The following MVB12B variants were observed in gnomAD, a reference collection of about 807,000 sequenced individuals.
MVB12B encodes the protein multivesicular body subunit 12B, also known as ESCRT-I complex subunit MVB12B.
Under a neutral mutation model 41.6 loss-of-function variants are expected in MVB12B, and 16 were observed. The observed-to-expected ratio is 0.38, with a 90% CI of 0.26 to 0.58. MVB12B has a LOEUF of 0.58. MVB12B is among the 20% of genes least tolerant of loss of function. The pLI is 0.62. For synonymous variants in MVB12B, 133 were observed against 139.7 expected (o/e 0.95, Z 0.34); for missense variants, 274 against 380.2 (o/e 0.72, Z 2.32).
rs562453290 is a variant in MVB12B, at chr9:126,503,399, G to A, written c.*136G>A. 50 of 706,830 alleles carry A rather than the reference G, an allele frequency of 7.1e-5. No homozygotes were observed. The East Asian group carries it at 1.3e-3, about 19-fold the overall frequency. The allele number at this position is 706,830 out of a possible 1,614,324, so 43.8% of individuals were successfully genotyped here. A position where few individuals can be genotyped will look rare whatever the true frequency, so the allele number is the denominator to read the frequency against. On this transcript the variant is annotated 3_prime_UTR_variant, in exon 10 of 10. Transcript: ENST00000361171. ...CCCAGCAGGGCTGGCCCGGAGACTG[G>A]GCAGCTAAGTGGGCGCATCCTGTCT...
chr9:126,453,853 C>T (rs1000887902), intron 7 of MVB12B, among the ~76,000 whole-genome samples: 20 of 152,228 alleles, frequency 1.3e-4, no homozygotes, highest in African/African-American at 2.4e-4. Flanking sequence ...GGCCTCCCCT[C>T]CTCTCTGGAT....
In MVB12B at chr9:126,391,025, T is replaced by C. The variant is rs936152044; in HGVS notation, c.410-1041T>C. 6.6e-6 allele frequency among the ~76,000 whole-genome samples: 1 copy of C among 150,490 alleles called. No individual in the cohort carries two copies. Among genetic ancestry groups the C allele is most frequent in the Non-Finnish European group, 1.5e-5 (1 of 67,834 alleles). ...ACCATTGTGAACCTTTAATAAAACATGGATCTTAGCAACAGTCATCAGAGG... is the reference window on the plus strand; with the variant it reads ...ACCATTGTGAACCTTTAATAAAACACGGATCTTAGCAACAGTCATCAGAGG... On this transcript the variant is annotated intron_variant, in intron 4 of 9. Coordinates refer to ENST00000361171, the MANE Select transcript of MVB12B (RefSeq NM_033446.3). The surrounding 1 kb of genome is among the most constrained non-coding windows in gnomAD (Gnocchi z 4.4).
chr9:126,346,786 A>C (rs1451513574), intron 2 of MVB12B, among the ~76,000 whole-genome samples: 2 of 152,244 alleles, frequency 1.3e-5, no homozygotes. Context: ...AAATTAAAGA[A>C]AACTAAGGGG....
At chr9:126,339,233 T>C (rs1480977900) in intron 1 of MVB12B, among the ~76,000 whole-genome samples, 1 of 152,208 alleles carries the variant, frequency 6.6e-6, no homozygotes, top group Non-Finnish European at 1.5e-5. Context: ...GCAGTCATTT[T>C]TAATGGCCTC....
intron 2 of MVB12B, among the ~76,000 whole-genome samples, chr9:126,353,045 G>A (rs1167505487): frequency 6.6e-6 from 1 of 152,204 alleles, no homozygotes; most frequent in Non-Finnish European, 1.5e-5. Flanking sequence ...ATCAGGAAGA[G>A]GAGATGTGGC....
chr9:126,487,056 G>C (rs760576254), intron 9 of MVB12B, among the ~76,000 whole-genome samples: 1 of 152,216 alleles, frequency 6.6e-6, no homozygotes, highest in Non-Finnish European at 1.5e-5. Context: ...GGCGCTCCGA[G>C]TCACAGTGTG....
chr9:126,449,180 G>T (rs1357444757), intron 7 of MVB12B, among the ~76,000 whole-genome samples: 1 of 152,352 alleles, frequency 6.6e-6, no homozygotes, highest in East Asian at 1.9e-4. Context: ...GCCTGGACTG[G>T]CAGAGAGCCC....
chr9:126,448,973 G>A (rs374928906), intron 7 of MVB12B, among the ~76,000 whole-genome samples: 4 of 152,320 alleles, frequency 2.6e-5, no homozygotes, highest in African/African-American at 9.6e-5. Flanking sequence ...ATACTCCAGG[G>A]GCCCACACCA....
At chr9:126,440,138 G>A (rs1832593514) in intron 7 of MVB12B, among the ~76,000 whole-genome samples, 1 of 152,192 alleles carries the variant, frequency 6.6e-6, no homozygotes, top group South Asian at 2.1e-4. Flanking sequence ...GTCAGCGCGA[G>A]CCCCTTGCTG....
rs917362745 is a variant in MVB12B, at chr9:126,391,112, C to G, written c.410-954C>G. The stretch of plus-strand genomic sequence containing the variant: ...GTGTGACCGAGGTCCTGGGCCGACG[C>G]CAGCAGAGCTCAGCAAGAATGGCCC... On this transcript the variant is annotated intron_variant, in intron 4 of 9. Transcript: ENST00000361171. The surrounding 1 kb of genome is among the most constrained non-coding windows in gnomAD (Gnocchi z 4.4). Among the ~76,000 whole-genome samples, 1 of 152,196 alleles carries G rather than the reference C, an allele frequency of 6.6e-6. No individual in the cohort carries two copies. Among genetic ancestry groups the G allele is most frequent in the African/African-American group, 2.4e-5 (1 of 41,434 alleles).
intron 6 of MVB12B, among the ~76,000 whole-genome samples, chr9:126,409,970 A>G (rs1447588039): frequency 6.6e-6 from 1 of 152,182 alleles, no homozygotes. Flanking sequence ...TTTCTGCACC[A>G]CACTTGCCAT....
At chr9:126,417,384 C>CT (rs1554776910) in intron 6 of MVB12B, among the ~76,000 whole-genome samples, 3 of 152,126 alleles carry the variant, frequency 2.0e-5, no homozygotes, top group Non-Finnish European at 4.4e-5. Context: ...CAGAAACCTT[C>CT]TTTTTTTTCC....
chr9:126,335,336 GC>G lies in MVB12B; in HGVS notation c.82-5168del. ...GTCTGTGCACTGTCCCCCACGGGTG[GC>G]CCCAAAGCCAGCTGCCCATTTAACT... is the stretch of plus-strand genomic sequence containing the variant. On this transcript the variant is annotated intron_variant, in intron 1 of 9. Coordinates refer to ENST00000361171, the MANE Select transcript of MVB12B (RefSeq NM_033446.3). The G allele has an allele frequency of 3.1e-6, 4 of 1,304,264 alleles. No homozygotes were observed. The South Asian group carries it at 3.7e-5, about 12-fold the overall frequency. The allele number at this position is 1,304,264 out of a possible 1,614,324, so 80.8% of individuals were successfully genotyped here. A position where few individuals can be genotyped will look rare whatever the true frequency, so the allele number is the denominator to read the frequency against.
chr9:126,485,713 G>A (rs1215834009), intron 9 of MVB12B, among the ~76,000 whole-genome samples: 1 of 152,156 alleles, frequency 6.6e-6, no homozygotes, highest in African/African-American at 2.4e-5. Context: ...TTCATAAGCT[G>A]GAACACATCT....
At chr9:126,482,595 T>C (rs1833546173) in intron 8 of MVB12B, among the ~76,000 whole-genome samples, 1 of 152,012 alleles carries the variant, frequency 6.6e-6, no homozygotes, top group African/African-American at 2.4e-5. Context: ...TTGGGAGAAT[T>C]TAGTGGGGTG....
chr9:126,348,218 G>A (rs185872973), intron 2 of MVB12B, among the ~76,000 whole-genome samples: 113 of 152,362 alleles, frequency 7.4e-4, no homozygotes, highest in African/African-American at 2.6e-3. Context: ...ACTGAAATGC[G>A]GAAAGTGGTT....
rs549887591 is a variant in MVB12B, at chr9:126,386,162, C to T, written c.313-400C>T. On this transcript the variant is annotated intron_variant, in intron 3 of 9. Coordinates refer to ENST00000361171, the MANE Select transcript of MVB12B (RefSeq NM_033446.3). This position sits in a 1 kb window ranked among gnomAD's most constrained non-coding sequence, Gnocchi z 4.3. ...ATTGGTTCCCTGTTAGGTTTAGATG[C>T]AGCTCTTTCCTACGAGTGCCTCAGG... Among the ~76,000 whole-genome samples, 3 of 152,298 alleles carry T rather than the reference C, an allele frequency of 2.0e-5. No individual in the cohort carries two copies. The highest frequency in any genetic ancestry group is 2.1e-4 in the South Asian group (1 of 4,830).
In MVB12B at chr9:126,386,056, A is replaced by G. The variant is rs1364210721; in HGVS notation, c.313-506A>G. Among the ~76,000 whole-genome samples the G allele has an allele frequency of 2.0e-5, 3 of 152,204 alleles. No individual in the cohort carries two copies. Among genetic ancestry groups the G allele is most frequent in the Non-Finnish European group, 4.4e-5 (3 of 68,018 alleles). ...CAGGGCTTTCACTCTGTATTAGTGT[A>G]TGATTCTTGGGATTTTGCAGAATGT... On this transcript the variant is annotated intron_variant, in intron 3 of 9. Coordinates refer to ENST00000361171, the MANE Select transcript of MVB12B (RefSeq NM_033446.3). This position sits in a 1 kb window ranked among gnomAD's most constrained non-coding sequence, Gnocchi z 4.3.
rs1463554266 is a variant in MVB12B, at chr9:126,391,617, T to C, written c.410-449T>C. Among the ~76,000 whole-genome samples the C allele has an allele frequency of 6.6e-6, 1 of 152,192 alleles. No individual in the cohort carries two copies. The highest frequency in any genetic ancestry group is 2.4e-5 in the African/African-American group (1 of 41,424). ...GAGGAGAGGAAACCAGCTTGTCCAT[T>C]GTGCACAGCATTGACACTGGGTGAC... On this transcript the variant is annotated intron_variant, in intron 4 of 9. Transcript: ENST00000361171. The surrounding 1 kb of genome is among the most constrained non-coding windows in gnomAD (Gnocchi z 4.4).
Sources: allele counts gnomAD v4.1 joint callset (sites outside exome capture counted in the v4.1 genomes callset), GRCh38; gene constraint gnomAD v4.1.1; non-coding constraint Gnocchi (gnomAD v3.1); transcripts MANE v1.5; gene names NCBI Gene and HGNC (gene_info 2026-07-23, HGNC 2026-07-21).